HOPX: variants seen among roughly 807,000 people sequenced by gnomAD.
HOPX encodes the protein homeodomain-only protein.
In HOPX, 5 loss-of-function variants were observed where a neutral mutation model predicts 11.8. The ratio of observed to expected loss-of-function variants is 0.43; its 90% CI spans 0.22 to 0.89. HOPX has a LOEUF of 0.89. Among genes scored for constraint, HOPX ranks in the 40% least tolerant of loss-of-function variants. The probability of loss-of-function intolerance (pLI) is 0.28; values close to 1 mark genes in which losing one functional copy is unlikely to be tolerated. For synonymous variants in HOPX, 49 were observed against 49.7 expected (o/e 0.99, Z 0.06); for missense variants, 119 against 120.0 (o/e 0.99, Z 0.04).
At chr4:56,665,857 C>T (rs772212383) in intron 1 of HOPX, among the ~76,000 whole-genome samples, 9 of 152,140 alleles carry the variant, frequency 5.9e-5, no homozygotes, top group Non-Finnish European at 1.0e-4. Context: ...AGATCCAACC[C>T]AGAAAATCTA....
chr4:56,653,903 C>T (rs1373956893), intron 3 of HOPX, among the ~76,000 whole-genome samples: 1 of 152,170 alleles, frequency 6.6e-6, no homozygotes, highest in Non-Finnish European at 1.5e-5. Flanking sequence ...CTACCCCTAA[C>T]CGGATTTTAT....
chr4:56,656,417 A>G, intron 2 of HOPX: 1 of 990,704 alleles, frequency 1.0e-6, no homozygotes, highest in South Asian at 4.7e-5. Context: ...TTCCTCCCGA[A>G]AGGGGGACCT....
intron 1 of HOPX, among the ~76,000 whole-genome samples, chr4:56,661,185 G>A (rs1718098802): frequency 6.6e-6 from 1 of 152,096 alleles, no homozygotes; most frequent in Admixed American, 6.6e-5. Context: ...TTGCTCTTGA[G>A]TTGTTTAAAA....
chr4:56,667,587 C>T (rs548635165), intron 1 of HOPX, among the ~76,000 whole-genome samples: 236 of 152,308 alleles, frequency 1.5e-3, no homozygotes, highest in Non-Finnish European at 2.8e-3. Context: ...GATTCCTATC[C>T]TACATATTCA....
intron 1 of HOPX, chr4:56,672,644 T>A (rs1393160508): frequency 6.6e-6 from 1 of 152,026 alleles, no homozygotes; most frequent in African/African-American, 2.4e-5. Flanking sequence ...TTACTTGAGA[T>A]GGAGTCTCAC....
At chr4:56,671,627 GCAGGTGTT>G (rs1718739847) in intron 1 of HOPX, among the ~76,000 whole-genome samples, 1 of 151,944 alleles carries the variant, frequency 6.6e-6, no homozygotes, top group African/African-American at 2.4e-5. Flanking sequence ...GTTTTTATGA[GCAGGTGTT>G]CAGCTAATAG....
At chr4:56,651,869 A>AGT (rs1386601481) in intron 3 of HOPX, among the ~76,000 whole-genome samples, 1 of 121,628 alleles carries the variant, frequency 8.2e-6, no homozygotes, top group African/African-American at 3.0e-5. Flanking sequence ...AGAGAGAGAG[A>AGT]GAGAGTGTGT....
intron 1 of HOPX, among the ~76,000 whole-genome samples, chr4:56,676,915 G>C (rs751208019): frequency 1.6e-4 from 25 of 151,764 alleles, no homozygotes; most frequent in Non-Finnish European, 2.5e-4. Flanking sequence ...TTTTCAAACT[G>C]GGCAAAAGTG....
At chr4:56,673,481 A>G (rs113193788) in intron 1 of HOPX, among the ~76,000 whole-genome samples, 4 of 152,106 alleles carry the variant, frequency 2.6e-5, no homozygotes, top group African/African-American at 9.7e-5. Context: ...TCTTTCCACT[A>G]TATTTTTTGT....
intron 3 of HOPX, chr4:56,650,650 A>T (rs761298245): frequency 7.1e-6 from 11 of 1,550,854 alleles, no homozygotes; most frequent in Non-Finnish European, 9.6e-6. Flanking sequence ...TACACACTGA[A>T]ATCCTTTACA....
At chr4:56,662,621 T>C (rs1045905300) in intron 1 of HOPX, 2 of 152,114 alleles carry the variant, frequency 1.3e-5, no homozygotes, top group East Asian at 1.9e-4. Context: ...AGATTACAAG[T>C]GCACACCACC....
chr4:56,672,726 C>T (rs1718804110), intron 1 of HOPX: 1 of 151,974 alleles, frequency 6.6e-6, no homozygotes. Context: ...AACTCCTGAG[C>T]TCGGGTTGTC....
intron 2 of HOPX, 48 bp downstream of exon 2, chr4:56,657,727 G>A (rs780518020): frequency 9.9e-6 from 8 of 808,374 alleles, no homozygotes; most frequent in African/African-American, 3.4e-5. Flanking sequence ...CCCATTGCCC[G>A]TACCTTTGAC....
chr4:56,657,632 C>T (rs1717844117), intron 2 of HOPX, 143 bp downstream of exon 2: 2 of 677,172 alleles, frequency 3.0e-6, no homozygotes, highest in Non-Finnish European at 2.8e-6. Flanking sequence ...GCTTTCCCAC[C>T]TAAAAATCAT....
upstream of HOPX, chr4:56,681,538 C>G (rs929333961): frequency 3.0e-5 from 30 of 999,990 alleles, no homozygotes; most frequent in Non-Finnish European, 3.5e-5. Flanking sequence ...CTTCTCGTCC[C>G]TGACCTCTCT....
chr4:56,662,336 A>G (rs1400310286), intron 1 of HOPX: 1 of 152,218 alleles, frequency 6.6e-6, no homozygotes, highest in African/African-American at 2.4e-5. Context: ...TTTTTTAAAA[A>G]GAGTTAAATT....
chr4:56,652,879 C>T (rs900722582), intron 3 of HOPX, among the ~76,000 whole-genome samples: 16 of 152,072 alleles, frequency 1.1e-4, no homozygotes, highest in Non-Finnish European at 1.8e-4. Context: ...CAATACCAGA[C>T]ATTACTTATA....
At chr4:56,666,448 A>G (rs1560371034) in intron 1 of HOPX, among the ~76,000 whole-genome samples, 1 of 152,212 alleles carries the variant, frequency 6.6e-6, no homozygotes, top group Non-Finnish European at 1.5e-5. Context: ...ACAGGAAGAT[A>G]TTATGAAAAG....
chr4:56,676,910 A>G (rs974477555), intron 1 of HOPX, among the ~76,000 whole-genome samples: 1 of 151,648 alleles, frequency 6.6e-6, no homozygotes, highest in East Asian at 1.9e-4. Context: ...TCTGGTTTTC[A>G]AACTGGGCAA....
Sources: gnomAD v4.1 joint callset for allele counts (sites outside exome capture counted in the v4.1 genomes callset) on GRCh38, gnomAD v4.1.1 for gene constraint, MANE v1.5 for transcripts, NCBI Gene and HGNC (gene_info 2026-07-23, HGNC 2026-07-21) for gene names.